Variants in DNASE1 observed in about 807,000 individuals in gnomAD.
DNASE1 encodes deoxyribonuclease-1.
Under a neutral mutation model 33.9 loss-of-function variants are expected in DNASE1, and 40 were observed. That is an observed-to-expected ratio of 1.18 (90% CI 0.92 to 1.54). DNASE1 has a LOEUF of 1.54. Among genes scored for constraint, DNASE1 ranks in the 40% most tolerant of loss-of-function variants. The probability of loss-of-function intolerance (pLI) is 0.00; values close to 1 mark genes in which losing one functional copy is unlikely to be tolerated. For missense variants in DNASE1, 518 were observed against 372.6 expected, an observed-to-expected ratio of 1.39 and a Z score of -3.21; for synonymous variants, 216 against 160.0, an observed-to-expected ratio of 1.35 and a Z score of -2.64.
intron 1 of DNASE1, among the ~76,000 whole-genome samples, chr16:3,644,648 T>C (rs1744496995): frequency 1.3e-5 from 2 of 151,390 alleles, no homozygotes; most frequent in South Asian, 4.2e-4. Flanking sequence ...GGAGGGAGTA[T>C]TGCTAGCACC....
intron 1 of DNASE1, among the ~76,000 whole-genome samples, chr16:3,618,896 G>T (rs571721557): frequency 2.0e-5 from 3 of 152,194 alleles, no homozygotes; most frequent in South Asian, 4.1e-4. Flanking sequence ...CATTTCTGTT[G>T]CCCAGGCTCG....
intron 1 of DNASE1, among the ~76,000 whole-genome samples, chr16:3,619,684 AT>A (rs34735737): frequency 6.7e-6 from 1 of 149,574 alleles, no homozygotes. Context: ...TAAAAAAAAA[AT>A]TTTTTTTGTA....
intron 1 of DNASE1, among the ~76,000 whole-genome samples, chr16:3,625,028 CG>C (rs1243301589): frequency 6.6e-6 from 1 of 151,966 alleles, no homozygotes; most frequent in Non-Finnish European, 1.5e-5. Flanking sequence ...TAATGGGGGC[CG>C]GGGGCAGTGG....
upstream of DNASE1, among the ~76,000 whole-genome samples, chr16:3,638,616 G>C (rs1055243826): frequency 6.6e-6 from 1 of 152,240 alleles, no homozygotes; most frequent in Non-Finnish European, 1.5e-5. Flanking sequence ...GGGATTACAG[G>C]CGTGAGCCAC....
chr16:3,642,885 A>C (rs183234521), upstream of DNASE1: 2 of 152,408 alleles, frequency 1.3e-5, no homozygotes, highest in Non-Finnish European at 2.9e-5. Context: ...TCAATGACTC[A>C]TTCCAGGTTC....
At chr16:3,660,712 A>AAGTT (rs1189566075), downstream of DNASE1, 4 of 152,166 alleles carry the variant, frequency 2.6e-5, no homozygotes, top group African/African-American at 7.2e-5. Flanking sequence ...ATAATTTTAA[A>AAGTT]AGTTATGGTT....
chr16:3,631,167 C>T (rs916831548), intron 1 of DNASE1, among the ~76,000 whole-genome samples: 3 of 151,768 alleles, frequency 2.0e-5, no homozygotes, highest in East Asian at 1.9e-4. Flanking sequence ...GGACTACAGG[C>T]GCATGCCATC....
downstream of DNASE1, chr16:3,662,059 C>A: frequency 3.7e-6 from 6 of 1,613,436 alleles, no homozygotes; most frequent in South Asian, 2.2e-5. Context: ...CTGCTGCATG[C>A]GCAGGAAGTG....
chr16:3,649,739 T>C (rs916313582), upstream of DNASE1, among the ~76,000 whole-genome samples: 28 of 152,324 alleles, frequency 1.8e-4, no homozygotes, highest in African/African-American at 6.0e-4. Flanking sequence ...TGTTTTTATC[T>C]TGTGGCCTGG....
downstream of DNASE1, chr16:3,662,474 G>A (rs1284531106): frequency 1.5e-5 from 8 of 526,058 alleles, no homozygotes; most frequent in Non-Finnish European, 2.4e-5. Context: ...TTCTCACTCT[G>A]AGCTAGACAG....
intron 1 of DNASE1, among the ~76,000 whole-genome samples, chr16:3,622,066 T>C (rs1363910679): frequency 6.6e-6 from 1 of 152,014 alleles, no homozygotes; most frequent in Non-Finnish European, 1.5e-5. Context: ...ACTAAAAATA[T>C]AACATTAGCT....
chr16:3,658,694 A>AAAC (rs1445137463), downstream of DNASE1: 13 of 1,036,162 alleles, frequency 1.3e-5, no homozygotes, highest in African/African-American at 1.9e-4. Flanking sequence ...AACAAACAAA[A>AAAC]AGACAGGATT....
At chr16:3,627,372 CAAGCCATCCTCCCACCT>C (rs1455043242) in intron 1 of DNASE1, among the ~76,000 whole-genome samples, 2 of 151,578 alleles carry the variant, frequency 1.3e-5, no homozygotes, top group Non-Finnish European at 2.9e-5. Flanking sequence ...AACTCTAGCT[CAAGCCATCCTCCCACCT>C]AAGCCTCCCG....
chr16:3,655,309 T>C, intron 1 of DNASE1, 64 bp from the exon 2 acceptor site: 1 of 1,607,578 alleles, frequency 6.2e-7, no homozygotes, highest in Non-Finnish European at 8.5e-7. Flanking sequence ...TCCAGAAGGC[T>C]GGAGTGCTGT....
At chr16:3,663,213 G>C (rs1381662417) in exon 10 of DNASE1, 1 of 704,162 alleles carries the variant, frequency 1.4e-6, no homozygotes. Context: ...AGCTCCAGAA[G>C]CCACCGTGGC....
In DNASE1 at chr16:3,644,399, C is replaced by T. The variant is rs544667234; in HGVS notation, c.-86+1363C>T. Among the ~76,000 whole-genome samples, 3 of 152,240 alleles carry T rather than the reference C, an allele frequency of 2.0e-5. No individual in the cohort carries two copies. In the South Asian group the frequency reaches 6.2e-4, roughly 32 times the overall value. On this transcript the variant is annotated intron_variant, in intron 1 of 9. Transcript: ENST00000407479. Reference sequence around the variant, plus strand: ...CCAACATGGTAAAACCTTCTCTCTACTAAAAATACAAAAATTAGCCAGGTG... The same window carrying T: ...CCAACATGGTAAAACCTTCTCTCTATTAAAAATACAAAAATTAGCCAGGTG...
chr16:3,622,122 A>G (rs572846979), intron 1 of DNASE1, among the ~76,000 whole-genome samples: 4 of 149,622 alleles, frequency 2.7e-5, no homozygotes, highest in African/African-American at 9.8e-5. Flanking sequence ...CCAGAGACTG[A>G]GGCAGGAGAA....
chr16:3,657,811 C>T lies in DNASE1; in HGVS notation c.796C>T (p.Gln266Ter). 6.2e-7 allele frequency: 1 copy of T among 1,613,834 alleles called. No individual in the cohort carries two copies. Among genetic ancestry groups the T allele is most frequent in the South Asian group, 1.1e-5 (1 of 91,078 alleles). Residue 266 changes from glutamine to a stop codon, truncating the protein, a stop_gained, in exon 8 of 9, where the codon CAA becomes TAA. Coordinates refer to ENST00000246949, the MANE Select transcript of DNASE1 (RefSeq NM_005223.4). LOFTEE classifies it high-confidence loss of function. ...NFQAAYGLSD[Q>*]LAQAISDHYP... ...CCAGGCTGCCTATGGCCTGAGTGAC[C>T]AACTGGTATGTGTCCTCCCTTGCAC... is the stretch of plus-strand genomic sequence containing the variant.
intron 4 of DNASE1, among the ~76,000 whole-genome samples, 162 bp downstream of exon 4, chr16:3,656,347 G>T (rs983100929): frequency 6.6e-6 from 1 of 151,204 alleles, no homozygotes; most frequent in African/African-American, 2.4e-5. Flanking sequence ...GGACCAATGG[G>T]TTGAGCAGGT....
Sources: allele counts gnomAD v4.1 joint callset (sites outside exome capture counted in the v4.1 genomes callset), GRCh38; gene constraint gnomAD v4.1.1; transcripts MANE v1.5; gene names NCBI Gene and HGNC (gene_info 2026-07-23, HGNC 2026-07-21).